Variants in SMYD3 observed in about 807,000 individuals in gnomAD.
SMYD3 encodes the protein histone-lysine N-methyltransferase SMYD3.
In SMYD3, 36 loss-of-function variants were observed where a neutral mutation model predicts 57.7. The ratio of observed to expected loss-of-function variants is 0.62; its 90% CI spans 0.48 to 0.82. The LOEUF is 0.82. Among genes scored for constraint, SMYD3 ranks in the 40% least tolerant of loss-of-function variants. The pLI is 0.00. For missense variants in SMYD3, 515 were observed against 538.8 expected (o/e 0.96, Z 0.44); for synonymous variants, 211 against 195.0 (o/e 1.08, Z -0.68).
chr1:245,786,619 T>G (rs2148163844), intron 10 of SMYD3, among the ~76,000 whole-genome samples: 1 of 152,014 alleles, frequency 6.6e-6, no homozygotes, highest in East Asian at 1.9e-4. Flanking sequence ...TAACACACTC[T>G]GAGACCACTG....
intron 1 of SMYD3, among the ~76,000 whole-genome samples, chr1:246,475,148 C>T (rs567817317): frequency 3.3e-5 from 5 of 151,826 alleles, no homozygotes; most frequent in Admixed American, 3.3e-4. Context: ...AAAACCCCAT[C>T]CCTATCAAAC....
intron 1 of SMYD3, among the ~76,000 whole-genome samples, chr1:246,490,151 A>G (rs2103067905): frequency 6.6e-6 from 1 of 152,024 alleles, no homozygotes; most frequent in African/African-American, 2.4e-5. Context: ...AGTCATTTTC[A>G]TAGATGAATT....
chr1:246,198,641 C>T (rs10924542), intron 5 of SMYD3, among the ~76,000 whole-genome samples: 12,740 of 152,192 alleles, frequency 0.084, 1,451 homozygotes, highest in African/African-American at 0.24. Context: ...AAAGGCTTGT[C>T]ATCCTGGCCC....
At chr1:245,811,665 A>C (rs530384869) in intron 10 of SMYD3, among the ~76,000 whole-genome samples, 1 of 152,316 alleles carries the variant, frequency 6.6e-6, no homozygotes, top group Non-Finnish European at 1.5e-5. Flanking sequence ...TATTTGGAAA[A>C]AGCTATCTTC....
chr1:245,769,134 G>A (rs1039732387), intron 10 of SMYD3, among the ~76,000 whole-genome samples: 5 of 152,108 alleles, frequency 3.3e-5, no homozygotes, highest in African/African-American at 9.7e-5. Flanking sequence ...TGCAACTCCT[G>A]GAGAATTATT....
intron 5 of SMYD3, among the ~76,000 whole-genome samples, chr1:245,963,254 C>G (rs1463759076): frequency 3.9e-5 from 6 of 152,126 alleles, no homozygotes; most frequent in African/African-American, 1.4e-4. Flanking sequence ...TAAATATACA[C>G]AACTATAATT....
At chr1:246,090,662 C>T (rs1306759195) in intron 5 of SMYD3, among the ~76,000 whole-genome samples, 2 of 151,862 alleles carry the variant, frequency 1.3e-5, no homozygotes, top group Non-Finnish European at 2.9e-5. Flanking sequence ...GGATCATGGG[C>T]GTGCCCCACC....
At chr1:245,926,075 G>A (rs894112063) in intron 7 of SMYD3, among the ~76,000 whole-genome samples, 6 of 152,172 alleles carry the variant, frequency 3.9e-5, no homozygotes, top group African/African-American at 9.7e-5. Flanking sequence ...GGCAGAGGGC[G>A]TCACATGAGG....
intron 5 of SMYD3, among the ~76,000 whole-genome samples, chr1:246,156,046 G>T (rs192319940): frequency 2.5e-4 from 38 of 151,576 alleles, no homozygotes; most frequent in Admixed American, 2.4e-3. Context: ...TACAGAGTTC[G>T]AAGGACAGAA....
chr1:246,349,410 G>A (rs1348299696), intron 2 of SMYD3, among the ~76,000 whole-genome samples: 1 of 152,054 alleles, frequency 6.6e-6, no homozygotes, highest in Admixed American at 6.5e-5. Flanking sequence ...TTCGAGACCA[G>A]CCTGGGCAAC....
chr1:245,803,681 A>G (rs2047988005), intron 10 of SMYD3, among the ~76,000 whole-genome samples: 2 of 152,338 alleles, frequency 1.3e-5, no homozygotes, highest in Middle Eastern at 6.8e-3. Context: ...GGAATTCTTA[A>G]GGAAAGGAAA....
chr1:245,787,366 C>T (rs1340353498), intron 10 of SMYD3, among the ~76,000 whole-genome samples: 3 of 152,180 alleles, frequency 2.0e-5, no homozygotes, highest in Admixed American at 2.0e-4. Flanking sequence ...GCAGTCTCTT[C>T]CATAACCAAT....
intron 1 of SMYD3, among the ~76,000 whole-genome samples, chr1:246,462,432 G>A (rs377373152): frequency 6.6e-6 from 1 of 152,148 alleles, no homozygotes. Flanking sequence ...CTCCATGGGG[G>A]CCTGGCCTCA....
intron 10 of SMYD3, among the ~76,000 whole-genome samples, chr1:245,841,450 C>T (rs1372238931): frequency 6.6e-6 from 1 of 152,148 alleles, no homozygotes; most frequent in Non-Finnish European, 1.5e-5. Flanking sequence ...CCATGACCTA[C>T]TGGCCTTTAT....
chr1:245,909,801 A>C, intron 8 of SMYD3, among the ~76,000 whole-genome samples: 1 of 152,102 alleles, frequency 6.6e-6, no homozygotes, highest in African/African-American at 2.4e-5. Context: ...ACTGGGTATG[A>C]GGGAAACATA....
At chr1:246,238,480 T>C (rs566337307) in intron 5 of SMYD3, among the ~76,000 whole-genome samples, 7 of 152,210 alleles carry the variant, frequency 4.6e-5, no homozygotes, top group Non-Finnish European at 8.8e-5. Flanking sequence ...TGGAGACAGA[T>C]AGTCAACAGG....
chr1:246,057,446 G>C (rs1285404773), intron 5 of SMYD3, among the ~76,000 whole-genome samples: 1 of 152,068 alleles, frequency 6.6e-6, no homozygotes, highest in Non-Finnish European at 1.5e-5. Flanking sequence ...CTCAAATATA[G>C]TTTTTGCATT....
At chr1:245,764,224 A>C in intron 10 of SMYD3, 75 bp from the exon 11 acceptor site, 1 of 952,834 alleles carries the variant, frequency 1.0e-6, no homozygotes, top group African/African-American at 1.6e-5. Context: ...GAGACTACGA[A>C]AGTGGAAGCA....
intron 5 of SMYD3, among the ~76,000 whole-genome samples, chr1:246,284,637 C>T (rs981289551): frequency 1.3e-5 from 2 of 151,972 alleles, no homozygotes; most frequent in Admixed American, 6.6e-5. Flanking sequence ...AAGATGGTCT[C>T]GATCTCCTGA....
Sources: allele counts gnomAD v4.1 joint callset (sites outside exome capture counted in the v4.1 genomes callset), GRCh38; gene constraint gnomAD v4.1.1; transcripts MANE v1.5; gene names NCBI Gene and HGNC (gene_info 2026-07-23, HGNC 2026-07-21).